RBFOX1: variants seen among roughly 807,000 people sequenced by gnomAD.
The protein encoded by RBFOX1 is RNA binding protein fox-1 homolog 1.
RBFOX1 carries 8 observed loss-of-function variants against 57.7 expected under a neutral mutation model. The observed-to-expected ratio is 0.14, with a 90% CI of 0.08 to 0.25. The LOEUF is 0.25. Ranked by LOEUF, RBFOX1 falls within the 10% of genes least tolerant of loss-of-function variation. The pLI is 1.00. For synonymous variants in RBFOX1, 326 were observed against 222.4 expected (o/e 1.47, Z -4.15); for missense variants, 611 against 548.5 (o/e 1.11, Z -1.14).
Position 5,474,445 on chromosome 16 carries a change from G to T in RBFOX1, c.258+7191G>T, listed in dbSNP as rs569827899. ...GAGGTGGGCAGATCACCTGAGGTCA[G>T]GAGTTCGAGACCAGCCTGGCCAACA... is the stretch of plus-strand genomic sequence containing the variant. On this transcript the variant is annotated intron_variant, in intron 2 of 2. Transcript: ENST00000585867. 1.2e-4 allele frequency among the ~76,000 whole-genome samples: 18 copies of T among 152,316 alleles called. No individual in the cohort carries two copies. In the South Asian group the frequency reaches 3.3e-3, roughly 28 times the overall value.
At position 6,844,145 on chromosome 16, in the gene RBFOX1, T is replaced by G. The variant is rs537946557; in HGVS notation, c.-16+189495T>G. On this transcript the variant is annotated intron_variant, in intron 3 of 15. Coordinates refer to ENST00000550418, the MANE Select transcript of RBFOX1 (RefSeq NM_018723.4). ...CATGGCTTTTCTCTCTCTCCATCATTACCCCTACAGGCCAGTCCCCTTATA... is the reference window on the plus strand; with the variant it reads ...CATGGCTTTTCTCTCTCTCCATCATGACCCCTACAGGCCAGTCCCCTTATA... 9.0e-5 allele frequency among the ~76,000 whole-genome samples: 13 copies of G among 144,602 alleles called. 1 individual carries two copies. In the South Asian group the frequency reaches 2.8e-3, roughly 32 times the overall value. The allele number at this position is 144,602 out of a possible 152,430, so 94.9% of individuals were successfully genotyped here.
chr16:5,999,379 T>A (rs972754912), intron 4 of RBFOX1, among the ~76,000 whole-genome samples: 2 of 152,344 alleles, frequency 1.3e-5, no homozygotes, highest in African/African-American at 4.8e-5. Context: ...TCAGACCGGG[T>A]CAAACTCTTC....
intron 1 of RBFOX1, among the ~76,000 whole-genome samples, chr16:6,036,844 C>T (rs925900850): frequency 2.6e-5 from 4 of 152,188 alleles, no homozygotes; most frequent in Admixed American, 1.3e-4. Context: ...ATCACATTCT[C>T]AAAGTGCTAT....
chr16:5,552,975 C>T (rs1313141366), intron 2 of RBFOX1, among the ~76,000 whole-genome samples: 1 of 152,126 alleles, frequency 6.6e-6, no homozygotes. Context: ...AGTCCATGTC[C>T]TTTACAGGGA....
At chr16:5,455,614 C>G (rs1490153935) in intron 1 of RBFOX1, among the ~76,000 whole-genome samples, 3 of 152,156 alleles carry the variant, frequency 2.0e-5, no homozygotes, top group African/African-American at 7.2e-5. Context: ...ATATTTTACT[C>G]ATCTGGATTC....
intron 1 of RBFOX1, among the ~76,000 whole-genome samples, chr16:6,073,399 C>G (rs1276279869): frequency 6.6e-6 from 1 of 152,138 alleles, no homozygotes; most frequent in Non-Finnish European, 1.5e-5. Context: ...ACTTCTATCT[C>G]TTAACTTTGA....
chr16:7,198,986 C>T (rs1380357653), intron 4 of RBFOX1, among the ~76,000 whole-genome samples: 1 of 152,240 alleles, frequency 6.6e-6, no homozygotes, highest in East Asian at 1.9e-4. Context: ...TGGTGTCCAT[C>T]TGGGAAAGTA....
chr16:7,159,445 G>A (rs571190056), intron 4 of RBFOX1, among the ~76,000 whole-genome samples: 2 of 152,258 alleles, frequency 1.3e-5, no homozygotes, highest in Non-Finnish European at 2.9e-5. Context: ...CTAGAGATCA[G>A]TATCCAGGAT....
intron 4 of RBFOX1, among the ~76,000 whole-genome samples, chr16:7,327,241 G>C (rs530101011): frequency 7.9e-5 from 12 of 152,298 alleles, no homozygotes; most frequent in African/African-American, 2.6e-4. Context: ...TGCATAGCAG[G>C]CAAGTTTAAA....
At chr16:5,745,284 A>G (rs1420193508) in intron 3 of RBFOX1, among the ~76,000 whole-genome samples, 1 of 152,016 alleles carries the variant, frequency 6.6e-6, no homozygotes, top group Non-Finnish European at 1.5e-5. Flanking sequence ...ATCCTTTTTT[A>G]TGGCTGCATA....
intron 11 of RBFOX1, among the ~76,000 whole-genome samples, chr16:7,648,526 A>G (rs1409025761): frequency 6.6e-6 from 1 of 152,228 alleles, no homozygotes; most frequent in Non-Finnish European, 1.5e-5. Flanking sequence ...CCTGACCAGG[A>G]AAATTCTTCT....
At position 7,709,077 on chromosome 16, in the gene RBFOX1, C is replaced by G. The variant is rs148909710; in HGVS notation, c.1017C>G (p.Ala339=). The G allele has an allele frequency of 2.5e-6, 4 of 1,613,762 alleles. No individual in the cohort carries two copies. Among genetic ancestry groups the G allele is most frequent in the Non-Finnish European group, 3.4e-6 (4 of 1,179,804 alleles). ...YSDSYGRVYA[A]DPYHHALAPA... ...TCAGTTACGGACGAGTTTATGCTGC[C>G]GACCCCTACCACCACGCACTTGCTC... The change falls in exon 15 of 16, where the codon GCC becomes GCG. Residue 339 remains alanine (A), a synonymous_variant. Coordinates refer to ENST00000550418, the MANE Select transcript of RBFOX1 (RefSeq NM_018723.4).
intron 4 of RBFOX1, among the ~76,000 whole-genome samples, chr16:5,911,690 A>G (rs1023342223): frequency 6.6e-6 from 1 of 152,186 alleles, no homozygotes; most frequent in Non-Finnish European, 1.5e-5. Context: ...ACAGCTCTGG[A>G]GTCTGGGAAG....
At chr16:7,038,834 T>A (rs1052208063) in intron 3 of RBFOX1, among the ~76,000 whole-genome samples, 6 of 152,186 alleles carry the variant, frequency 3.9e-5, no homozygotes, top group Non-Finnish European at 8.8e-5. Flanking sequence ...AGAGGGTGCA[T>A]GGCAGAGCAA....
chr16:5,259,708 G>T (rs1259287675), intron 1 of RBFOX1, among the ~76,000 whole-genome samples: 1 of 152,186 alleles, frequency 6.6e-6, no homozygotes, highest in Non-Finnish European at 1.5e-5. Flanking sequence ...TATTCTAGTG[G>T]AAGCCAGTGC....
intron 3 of RBFOX1, among the ~76,000 whole-genome samples, chr16:6,865,431 T>C (rs777045777): frequency 6.6e-6 from 1 of 152,208 alleles, no homozygotes; most frequent in Non-Finnish European, 1.5e-5. Flanking sequence ...TTATCATTAG[T>C]GTGTGCCATG....
chr16:7,102,932 A>C (rs951650502), intron 4 of RBFOX1, among the ~76,000 whole-genome samples: 3 of 152,102 alleles, frequency 2.0e-5, no homozygotes, highest in Non-Finnish European at 4.4e-5. Flanking sequence ...CTAAACCTTC[A>C]CATGGAGTAT....
intron 3 of RBFOX1, among the ~76,000 whole-genome samples, chr16:6,735,719 A>G (rs972316112): frequency 6.6e-6 from 1 of 152,186 alleles, no homozygotes; most frequent in Admixed American, 6.5e-5. Flanking sequence ...GAATTTGGTT[A>G]TGAAAAGCCC....
chr16:5,645,844 A>C lies in RBFOX1; in HGVS notation c.318+46883A>C, dbSNP rs1053657838. On this transcript the variant is annotated intron_variant, in intron 3 of 19. Transcript: ENST00000641259. ...CCACATCTGGCTAATTTTTTTAAAAAAATTTCATAGACAAAGGGTCTTGCT... is the reference window on the plus strand; with the variant it reads ...CCACATCTGGCTAATTTTTTTAAAACAATTTCATAGACAAAGGGTCTTGCT... Among the ~76,000 whole-genome samples, 122 of 152,228 alleles carry C rather than the reference A, an allele frequency of 8.0e-4. 4 individuals are homozygous for C. The highest frequency in any genetic ancestry group is 1.2e-3 in the African/African-American group (49 of 41,534).
Sources: gnomAD v4.1 joint callset for allele counts (sites outside exome capture counted in the v4.1 genomes callset) on GRCh38, gnomAD v4.1.1 for gene constraint, MANE v1.5 for transcripts, NCBI Gene and HGNC (gene_info 2026-07-23, HGNC 2026-07-21) for gene names.